PHF21A: variants seen among roughly 807,000 people sequenced by gnomAD.
The protein encoded by PHF21A is PHD finger protein 21A.
In PHF21A, 11 loss-of-function variants were observed where a neutral mutation model predicts 82.5. The observed-to-expected ratio is 0.13, with a 90% CI of 0.08 to 0.22. The LOEUF (loss-of-function observed/expected upper bound fraction) is 0.22. Ranked by LOEUF, PHF21A falls within the 10% of genes least tolerant of loss-of-function variation. The pLI is 1.00. For missense variants in PHF21A, 579 were observed against 837.8 expected (o/e 0.69, Z 3.81); for synonymous variants, 297 against 302.8 (o/e 0.98, Z 0.20).
chr11:45,934,921 A>C (rs545153484), intron 18 of PHF21A: 62 of 380,740 alleles, frequency 1.6e-4, no homozygotes, highest in South Asian at 1.1e-3. Context: ...AGGAGAAAGC[A>C]GGTAAGCAGG....
Position 46,042,406 on chromosome 11 carries a change from CA to C in PHF21A, c.153+34347del, listed in dbSNP as rs1171625492. On this transcript the variant is annotated intron_variant, in intron 6 of 18. Transcript: ENST00000676320. The stretch of plus-strand genomic sequence containing the variant: ...GATAGTGCAACTCCGGAAAGTTCAT[CA>C]CCACTTGAGCTGGTCTACGCTGAGG... Among the ~76,000 whole-genome samples, 12 of 152,262 alleles carry C rather than the reference CA, an allele frequency of 7.9e-5. No homozygotes were observed. In the East Asian group the frequency reaches 1.4e-3, roughly 17 times the overall value.
At chr11:46,042,383 T>C (rs961668823) in intron 6 of PHF21A, among the ~76,000 whole-genome samples, 3 of 152,164 alleles carry the variant, frequency 2.0e-5, no homozygotes, top group African/African-American at 4.8e-5. Context: ...GTATGTGTGA[T>C]AGTGCAACTC....
intron 7 of PHF21A, among the ~76,000 whole-genome samples, chr11:45,976,582 C>T (rs2094034888): frequency 6.6e-6 from 1 of 152,196 alleles, no homozygotes; most frequent in South Asian, 2.1e-4. Flanking sequence ...TGGCTCATGT[C>T]TGTAATCCCA....
At chr11:46,023,735 C>A (rs1489817878) in intron 6 of PHF21A, among the ~76,000 whole-genome samples, 1 of 152,150 alleles carries the variant, frequency 6.6e-6, no homozygotes, top group Non-Finnish European at 1.5e-5. Flanking sequence ...GTGGGCGGAT[C>A]GCCTGAGGTC....
At chr11:46,006,073 G>A (rs981663891) in intron 6 of PHF21A, among the ~76,000 whole-genome samples, 1 of 152,090 alleles carries the variant, frequency 6.6e-6, no homozygotes, top group African/African-American at 2.4e-5. Flanking sequence ...ATTCAGACAA[G>A]AGAGAATTAA....
chr11:45,936,605 G>GTGT, intron 16 of PHF21A, 36 bp from the exon 17 acceptor site: 1 of 1,364,520 alleles, frequency 7.3e-7, no homozygotes, highest in Non-Finnish European at 1.0e-6. Context: ...TTGAGAAGGA[G>GTGT]GTTTAAACAC....
intron 6 of PHF21A, among the ~76,000 whole-genome samples, chr11:46,055,256 A>G (rs1192376666): frequency 1.3e-5 from 2 of 152,126 alleles, no homozygotes; most frequent in African/African-American, 4.8e-5. Context: ...TTTTTTTATC[A>G]TTTCCAAAGC....
At chr11:46,101,477 C>T (rs527494555) in intron 1 of PHF21A, among the ~76,000 whole-genome samples, 32 of 152,158 alleles carry the variant, frequency 2.1e-4, no homozygotes, top group African/African-American at 6.7e-4. Flanking sequence ...GGAATAGGTA[C>T]GTGGGGTTAT....
chr11:46,104,787 TG>T (rs1323738950), intron 1 of PHF21A, among the ~76,000 whole-genome samples: 1 of 152,214 alleles, frequency 6.6e-6, no homozygotes, highest in East Asian at 1.9e-4. Flanking sequence ...ATGAAGAAAC[TG>T]AAGTCCCAGT....
At chr11:46,060,539 T>C (rs1158705292) in intron 6 of PHF21A, among the ~76,000 whole-genome samples, 1 of 152,224 alleles carries the variant, frequency 6.6e-6, no homozygotes, top group Non-Finnish European at 1.5e-5. Flanking sequence ...TAACCACTCA[T>C]TGTGGTTCTG....
At chr11:45,935,289 G>T (rs971294951) in intron 18 of PHF21A, 2 of 1,311,902 alleles carry the variant, frequency 1.5e-6, no homozygotes, top group Non-Finnish European at 2.0e-6. Flanking sequence ...TGTCTGCTCA[G>T]TGTCAGGTGA....
chr11:46,054,340 T>C (rs2096417403), intron 6 of PHF21A, among the ~76,000 whole-genome samples: 2 of 152,148 alleles, frequency 1.3e-5, no homozygotes, highest in Non-Finnish European at 2.9e-5. Flanking sequence ...ACTAACAACA[T>C]ACAGATTTGT....
In PHF21A at chr11:45,931,083, A is replaced by G. The variant is rs1454364861; in HGVS notation, c.*2885T>C. 1 of 152,254 alleles carries G rather than the reference A, an allele frequency of 6.6e-6. No individual in the cohort carries two copies. The highest frequency in any genetic ancestry group is 1.5e-5 in the Non-Finnish European group (1 of 68,114). 9.4% of individuals were successfully genotyped at this position (152,254 alleles called of 1,614,324 possible). ...TGACTCCCAAAACAGCTCACATCTG[A>G]ATGTCAGGAAGAATCCACAGCCCAG... On this transcript the variant is annotated 3_prime_UTR_variant, in exon 19 of 19. Transcript: ENST00000676320.
chr11:45,969,805 G>T lies in PHF21A; in HGVS notation c.702+10C>A. On this transcript the variant is annotated intron_variant, in intron 9 of 18. Coordinates refer to ENST00000676320, the MANE Select transcript of PHF21A (RefSeq NM_001352027.3). ...TAACCTATCATTGAGCTTGTCATTG[G>T]TTTACTCACCTGTGGAAGAAAGTTT... 6.3e-7 allele frequency: 1 copy of T among 1,576,578 alleles called. No individual in the cohort carries two copies. Among genetic ancestry groups the T allele is most frequent in the Non-Finnish European group, 8.7e-7 (1 of 1,145,906 alleles).
intron 6 of PHF21A, among the ~76,000 whole-genome samples, chr11:46,036,321 A>G (rs1375365252): frequency 6.6e-6 from 1 of 152,226 alleles, no homozygotes; most frequent in Non-Finnish European, 1.5e-5. Context: ...CTAAGATGCC[A>G]GTACGACACT....
chr11:45,949,559 G>A (rs143008374), intron 12 of PHF21A, 78 bp from the exon 13 acceptor site: 1 of 1,168,628 alleles, frequency 8.6e-7, no homozygotes, highest in East Asian at 2.3e-5. Flanking sequence ...TTTATCTATT[G>A]GTTTTCCCAT....
At chr11:46,049,479 A>G (rs1187922973) in intron 6 of PHF21A, 1 of 456,292 alleles carries the variant, frequency 2.2e-6, no homozygotes, top group Admixed American at 2.3e-5. Flanking sequence ...TAGAACTGGT[A>G]GAGGGAAACA....
At chr11:46,064,973 C>T (rs904517157) in intron 6 of PHF21A, among the ~76,000 whole-genome samples, 11 of 152,290 alleles carry the variant, frequency 7.2e-5, no homozygotes, top group Middle Eastern at 3.4e-3. Flanking sequence ...GTAACAAGCA[C>T]TAATGATGTA....
chr11:46,115,955 TTAAG>T (rs2097284622), intron 1 of PHF21A, among the ~76,000 whole-genome samples: 1 of 152,152 alleles, frequency 6.6e-6, no homozygotes, highest in South Asian at 2.1e-4. Context: ...ATCTAAACAG[TTAAG>T]TGTTTTTCTC....
Sources: allele counts gnomAD v4.1 joint callset (sites outside exome capture counted in the v4.1 genomes callset), GRCh38; gene constraint gnomAD v4.1.1; transcripts MANE v1.5; gene names NCBI Gene and HGNC (gene_info 2026-07-23, HGNC 2026-07-21).